Variants in MYO1B observed in about 807,000 individuals in gnomAD.
MYO1B encodes myosin IB, also known as unconventional myosin-Ib.
Under a neutral mutation model 159.7 loss-of-function variants are expected in MYO1B, and 72 were observed. The ratio of observed to expected loss-of-function variants is 0.45; its 90% CI spans 0.37 to 0.55. The LOEUF is 0.55. Among genes scored for constraint, MYO1B ranks in the 20% least tolerant of loss-of-function variants. The pLI is 0.00. For missense variants in MYO1B, 1,062 were observed against 1,364.8 expected, an observed-to-expected ratio of 0.78 and a Z score of 3.50; for synonymous variants, 468 against 473.8, an observed-to-expected ratio of 0.99 and a Z score of 0.16.
intron 1 of MYO1B, chr2:191,263,364 A>G: frequency 3.1e-6 from 3 of 982,158 alleles, no homozygotes; most frequent in Non-Finnish European, 3.6e-6. Flanking sequence ...AAATCAGTGG[A>G]AAAAGCAATG....
intron 4 of MYO1B, among the ~76,000 whole-genome samples, chr2:191,332,847 A>G (rs1171445583): frequency 6.6e-6 from 1 of 152,156 alleles, no homozygotes; most frequent in Non-Finnish European, 1.5e-5. Context: ...CGAGTGCCAC[A>G]CTACTTTGCC....
At chr2:191,356,440 A>C (rs1014660062) in intron 7 of MYO1B, among the ~76,000 whole-genome samples, 3 of 151,712 alleles carry the variant, frequency 2.0e-5, no homozygotes, top group African/African-American at 7.3e-5. Context: ...TAGCAATACA[A>C]CTGAAATTTC....
At chr2:191,334,686 T>C (rs1691713810) in intron 4 of MYO1B, among the ~76,000 whole-genome samples, 8 of 152,090 alleles carry the variant, frequency 5.3e-5, no homozygotes, top group Admixed American at 5.2e-4. Flanking sequence ...CACCCTTTCC[T>C]CTGGTAGTGC....
intron 3 of MYO1B, among the ~76,000 whole-genome samples, chr2:191,304,826 A>G (rs1020126688): frequency 6.6e-6 from 1 of 152,228 alleles, no homozygotes; most frequent in African/African-American, 2.4e-5. Context: ...ATTAGAGTTT[A>G]TATCCCTTCT....
intron 2 of MYO1B, among the ~76,000 whole-genome samples, chr2:191,288,351 G>C (rs1466346579): frequency 6.6e-6 from 1 of 151,888 alleles, no homozygotes; most frequent in Non-Finnish European, 1.5e-5. Flanking sequence ...TCCAAATCAT[G>C]CCCATCTTTT....
intron 3 of MYO1B, among the ~76,000 whole-genome samples, chr2:191,304,965 C>T (rs1689559982): frequency 6.6e-6 from 1 of 152,192 alleles, no homozygotes; most frequent in Admixed American, 6.5e-5. Context: ...GTTTGGTTCT[C>T]AGCAAAACAG....
Position 191,293,931 on chromosome 2 carries a change from G to A in MYO1B, c.136-2180G>A, listed in dbSNP as rs146366166. ...ATTAAAATACTAAGCACTGAGTATA[G>A]TATATTTGATCTTATATTTCAATGC... On this transcript the variant is annotated intron_variant, in intron 2 of 30. Coordinates refer to ENST00000392318, the MANE Select transcript of MYO1B (RefSeq NM_001130158.3). Among the ~76,000 whole-genome samples the A allele has an allele frequency of 4.6e-5, 7 of 152,292 alleles. No homozygotes were observed. In the East Asian group the frequency reaches 1.3e-3, roughly 29 times the overall value.
At chr2:191,280,494 G>A (rs1403369990) in intron 2 of MYO1B, among the ~76,000 whole-genome samples, 3 of 152,096 alleles carry the variant, frequency 2.0e-5, no homozygotes, top group South Asian at 2.1e-4. Flanking sequence ...TTGCATTCCC[G>A]CATCGCGCTG....
chr2:191,395,879 T>C (rs1409817797), intron 20 of MYO1B, among the ~76,000 whole-genome samples: 2 of 152,246 alleles, frequency 1.3e-5, no homozygotes, highest in African/African-American at 4.8e-5. Flanking sequence ...TATATCCTCA[T>C]GGTCCTATTA....
chr2:191,406,871 T>C (rs1696948810), intron 24 of MYO1B, among the ~76,000 whole-genome samples: 1 of 152,184 alleles, frequency 6.6e-6, no homozygotes, highest in African/African-American at 2.4e-5. Context: ...AAACTGCCTA[T>C]AAGGTATATG....
intron 1 of MYO1B, among the ~76,000 whole-genome samples, chr2:191,275,408 G>C (rs1005602443): frequency 5.3e-5 from 8 of 152,004 alleles, no homozygotes; most frequent in Admixed American, 2.6e-4. Flanking sequence ...AGTAAAAAAG[G>C]ATATGTTTGT....
chr2:191,304,740 T>C (rs1221364987), intron 3 of MYO1B, among the ~76,000 whole-genome samples: 1 of 152,238 alleles, frequency 6.6e-6, no homozygotes, highest in Non-Finnish European at 1.5e-5. Context: ...TGTTATGATA[T>C]AAGAATACAT....
intron 2 of MYO1B, among the ~76,000 whole-genome samples, chr2:191,279,320 A>G (rs1453929817): frequency 6.6e-6 from 1 of 152,074 alleles, no homozygotes; most frequent in Admixed American, 6.5e-5. Flanking sequence ...TGCGTATAGT[A>G]TGATCCTTTT....
chr2:191,288,181 T>C (rs527521756), intron 2 of MYO1B, among the ~76,000 whole-genome samples: 30 of 151,844 alleles, frequency 2.0e-4, no homozygotes, highest in African/African-American at 6.8e-4. Flanking sequence ...TGTGCAGATA[T>C]CTGTTTGAGT....
chr2:191,392,073 C>T lies in MYO1B; in HGVS notation c.1983-35C>T, dbSNP rs1429668560. 5 of 1,512,844 alleles carry T rather than the reference C, an allele frequency of 3.3e-6. No homozygotes were observed. The South Asian group carries it at 6.0e-5, about 18-fold the overall frequency. 93.7% of individuals were successfully genotyped at this position (1,512,844 alleles called of 1,614,324 possible). A position where few individuals can be genotyped will look rare whatever the true frequency, so the allele number is the denominator to read the frequency against. On this transcript the variant is annotated intron_variant, in intron 18 of 30. Coordinates refer to ENST00000392318, the MANE Select transcript of MYO1B (RefSeq NM_001130158.3). ...AGAAGATAAAACTATTTTTGTAACT[C>T]AGAAAACTCACTGTTTTTATTTTTA... is the stretch of plus-strand genomic sequence containing the variant.
intron 30 of MYO1B, among the ~76,000 whole-genome samples, chr2:191,421,892 A>G (rs146223501): frequency 2.4e-4 from 36 of 152,352 alleles, no homozygotes; most frequent in African/African-American, 7.9e-4. Context: ...TATGCCAGAG[A>G]TATATCTCAG....
chr2:191,326,770 A>ATATATATG, intron 3 of MYO1B, among the ~76,000 whole-genome samples: 1 of 137,152 alleles, frequency 7.3e-6, no homozygotes, highest in South Asian at 2.5e-4. Context: ...GTTTGTATAT[A>ATATATATG]TGTGTGTGTG....
intron 1 of MYO1B, among the ~76,000 whole-genome samples, chr2:191,273,090 C>T (rs1354839235): frequency 6.6e-6 from 1 of 152,130 alleles, no homozygotes; most frequent in Non-Finnish European, 1.5e-5. Context: ...ATCCAGGCTC[C>T]AGTACTAATA....
intron 5 of MYO1B, among the ~76,000 whole-genome samples, chr2:191,344,658 G>A (rs1574473649): frequency 6.6e-6 from 1 of 151,328 alleles, no homozygotes; most frequent in East Asian, 1.9e-4. Context: ...GTGAAACCCC[G>A]TCTCTACTAA....
Sources: gnomAD v4.1 joint callset for allele counts (sites outside exome capture counted in the v4.1 genomes callset) on GRCh38, gnomAD v4.1.1 for gene constraint, MANE v1.5 for transcripts, NCBI Gene and HGNC (gene_info 2026-07-23, HGNC 2026-07-21) for gene names.